RBFOX1: variants seen among roughly 807,000 people sequenced by gnomAD.
RBFOX1 encodes RNA binding protein fox-1 homolog 1.
RBFOX1 carries 8 observed loss-of-function variants against 57.7 expected under a neutral mutation model. The observed-to-expected ratio is 0.14, with a 90% CI of 0.08 to 0.25. RBFOX1 has a LOEUF of 0.25. RBFOX1 is among the 10% of genes least tolerant of loss of function. RBFOX1 has a pLI of 1.00. For synonymous variants in RBFOX1, 326 were observed against 222.4 expected (o/e 1.47, Z -4.15); for missense variants, 611 against 548.5 (o/e 1.11, Z -1.14).
At chr16:6,709,576 T>G (rs560791278) in intron 3 of RBFOX1, among the ~76,000 whole-genome samples, 2 of 152,326 alleles carry the variant, frequency 1.3e-5, no homozygotes, top group African/African-American at 4.8e-5. Context: ...CAAACTCATT[T>G]CCAATGTAAG....
chr16:5,648,002 G>A (rs1007333030), intron 3 of RBFOX1, among the ~76,000 whole-genome samples: 5 of 152,136 alleles, frequency 3.3e-5, no homozygotes, highest in South Asian at 2.1e-4. Flanking sequence ...TTGGAGTATA[G>A]GCATGCAGCA....
At chr16:6,957,288 C>G (rs201825498) in intron 3 of RBFOX1, among the ~76,000 whole-genome samples, 1 of 151,730 alleles carries the variant, frequency 6.6e-6, no homozygotes, top group Non-Finnish European at 1.5e-5. Flanking sequence ...CCCACCACTG[C>G]GCCAGGCTAA....
At chr16:6,623,516 C>T (rs1480377541) in intron 2 of RBFOX1, among the ~76,000 whole-genome samples, 2 of 151,480 alleles carry the variant, frequency 1.3e-5, no homozygotes, top group East Asian at 1.9e-4. Flanking sequence ...CATATGCATA[C>T]GTTTGCCATG....
intron 3 of RBFOX1, among the ~76,000 whole-genome samples, chr16:5,814,851 C>A (rs1042809323): frequency 6.6e-6 from 1 of 152,134 alleles, no homozygotes; most frequent in Non-Finnish European, 1.5e-5. Context: ...ATGGCGTGAA[C>A]CTGGGAAGCG....
chr16:7,111,313 A>G (rs1599791122), intron 4 of RBFOX1, among the ~76,000 whole-genome samples: 1 of 152,218 alleles, frequency 6.6e-6, no homozygotes, highest in African/African-American at 2.4e-5. Flanking sequence ...GAAGATTAAT[A>G]TTCTATGGGA....
intron 3 of RBFOX1, among the ~76,000 whole-genome samples, chr16:6,917,312 C>A (rs2073420930): frequency 6.6e-6 from 1 of 152,184 alleles, no homozygotes; most frequent in African/African-American, 2.4e-5. Context: ...CAGAGGATGT[C>A]ACAGTTAGTG....
At chr16:6,805,158 C>G (rs562462590) in intron 3 of RBFOX1, among the ~76,000 whole-genome samples, 1 of 151,958 alleles carries the variant, frequency 6.6e-6, no homozygotes, top group South Asian at 2.1e-4. Flanking sequence ...CCAGCAATAA[C>G]AGATTGGCTA....
chr16:5,765,938 G>A (rs2053761178), intron 3 of RBFOX1, among the ~76,000 whole-genome samples: 1 of 152,188 alleles, frequency 6.6e-6, no homozygotes, highest in Non-Finnish European at 1.5e-5. Context: ...CCACTACCCA[G>A]CTACATGGTT....
chr16:6,510,749 C>A (rs1598541193), intron 2 of RBFOX1, among the ~76,000 whole-genome samples: 1 of 151,594 alleles, frequency 6.6e-6, no homozygotes, highest in South Asian at 2.1e-4. Flanking sequence ...GCTTAATTGT[C>A]CCAAACTATT....
chr16:6,716,421 TTTTTC>T (rs1330246979), intron 3 of RBFOX1, among the ~76,000 whole-genome samples: 3 of 152,214 alleles, frequency 2.0e-5, no homozygotes, highest in African/African-American at 7.2e-5. Flanking sequence ...GTGGAATTTT[TTTTTC>T]TTCATTTGTT....
intron 2 of RBFOX1, among the ~76,000 whole-genome samples, chr16:5,488,036 G>C (rs935718102): frequency 2.0e-5 from 3 of 152,122 alleles, no homozygotes; most frequent in African/African-American, 7.2e-5. Context: ...TGTGGTGCTG[G>C]TGGTGATGAT....
chr16:7,186,298 A>G lies in RBFOX1; in HGVS notation c.27+134200A>G, dbSNP rs563357206. ...CATAAACATATTTATATAAATATAA[A>G]CATAAACATATTTATATAAATATAA... On this transcript the variant is annotated intron_variant, in intron 4 of 15. Coordinates refer to ENST00000550418, the MANE Select transcript of RBFOX1 (RefSeq NM_018723.4). Among the ~76,000 whole-genome samples, 131 of 104,092 alleles carry G rather than the reference A, an allele frequency of 1.3e-3. 1 individual carries two copies. Among genetic ancestry groups the G allele is most frequent in the African/African-American group, 5.4e-3 (112 of 20,760 alleles). 68.3% of individuals were successfully genotyped at this position (104,092 alleles called of 152,430 possible).
At chr16:7,496,685 C>G (rs1188355267) in intron 4 of RBFOX1, among the ~76,000 whole-genome samples, 3 of 78,820 alleles carry the variant, frequency 3.8e-5, no homozygotes, top group Non-Finnish European at 5.2e-5. Context: ...TAAACCTTAA[C>G]AAAGACTTTT....
intron 1 of RBFOX1, among the ~76,000 whole-genome samples, chr16:5,262,756 CTG>C (rs1259167425): frequency 2.0e-5 from 3 of 152,110 alleles, no homozygotes; most frequent in Non-Finnish European, 4.4e-5. Flanking sequence ...TTTGGGAAGA[CTG>C]GGGTGCTGAT....
At chr16:5,664,041 G>GAC (rs1339371293) in intron 3 of RBFOX1, among the ~76,000 whole-genome samples, 1 of 152,194 alleles carries the variant, frequency 6.6e-6, no homozygotes, top group East Asian at 1.9e-4. Context: ...GAGACAGACA[G>GAC]AGAGAGCACA....
intron 3 of RBFOX1, chr16:5,838,043 T>A (rs138574410): frequency 6.6e-6 from 1 of 152,336 alleles, no homozygotes; most frequent in Non-Finnish European, 1.5e-5. Context: ...GCATAATTTT[T>A]TTTGGCGGGG....
intron 2 of RBFOX1, among the ~76,000 whole-genome samples, chr16:6,334,310 C>G (rs2083379287): frequency 6.6e-6 from 1 of 152,000 alleles, no homozygotes; most frequent in Admixed American, 6.6e-5. Context: ...GAGTTTGAGA[C>G]TAGCCTGGGC....
Position 7,709,113 on chromosome 16 carries a change from C to G in RBFOX1, c.1053C>G (p.Thr351=). The change falls in exon 15 of 16, where the codon ACC becomes ACG. Residue 351 remains threonine (T), a synonymous_variant. Coordinates refer to ENST00000550418, the MANE Select transcript of RBFOX1 (RefSeq NM_018723.4). The part of the protein sequence containing the change: ...PYHHALAPAP[T]YGVGAMNAFA... ...ACCACGCACTTGCTCCAGCCCCCAC[C>G]TACGGCGTTGGTGCCATGGTGAGTA... 1 of 1,613,472 alleles carries G rather than the reference C, an allele frequency of 6.2e-7. No individual in the cohort carries two copies.
At chr16:7,395,912 C>G (rs1414831336) in intron 4 of RBFOX1, among the ~76,000 whole-genome samples, 1 of 152,094 alleles carries the variant, frequency 6.6e-6, no homozygotes, top group East Asian at 1.9e-4. Context: ...GAGTAAGTGC[C>G]AGGGTTATCC....
Sources: allele counts gnomAD v4.1 joint callset (sites outside exome capture counted in the v4.1 genomes callset), GRCh38; gene constraint gnomAD v4.1.1; transcripts MANE v1.5; gene names NCBI Gene and HGNC (gene_info 2026-07-23, HGNC 2026-07-21).